OCA2: variants seen among roughly 807,000 people sequenced by gnomAD.
OCA2 encodes OCA2 melanosomal transmembrane protein, also known as P protein.
In OCA2, 77 loss-of-function variants were observed where a neutral mutation model predicts 100.2. That is an observed-to-expected ratio of 0.77 (90% CI 0.64 to 0.93). The LOEUF (loss-of-function observed/expected upper bound fraction) is 0.93, where lower values mean the gene tolerates loss of function less well. Among genes scored for constraint, OCA2 ranks in the 40% least tolerant of loss-of-function variants. The probability of loss-of-function intolerance (pLI) is 0.00; values close to 1 mark genes in which losing one functional copy is unlikely to be tolerated. For synonymous variants in OCA2, 432 were observed against 439.2 expected (o/e 0.98, Z 0.21); for missense variants, 1,062 against 1,089.1 (o/e 0.98, Z 0.35).
intron 9 of OCA2, among the ~76,000 whole-genome samples, chr15:27,992,539 G>A (rs532852598): frequency 6.6e-6 from 1 of 152,334 alleles, no homozygotes; most frequent in East Asian, 1.9e-4. Context: ...TGGTGAGCAG[G>A]CACCAGAGCC....
At chr15:27,961,289 T>C (rs937291245) in intron 15 of OCA2, among the ~76,000 whole-genome samples, 1 of 152,106 alleles carries the variant, frequency 6.6e-6, no homozygotes, top group Non-Finnish European at 1.5e-5. Context: ...CATTAAAAAG[T>C]CAGGAAACAA....
Position 28,014,839 on chromosome 15 carries a change from T to C in OCA2, c.981A>G (p.Val327=). 1 of 1,614,110 alleles carries C rather than the reference T, an allele frequency of 6.2e-7. No individual in the cohort carries two copies. Among genetic ancestry groups the C allele is most frequent in the Non-Finnish European group, 8.5e-7 (1 of 1,180,018 alleles). Reference sequence around the variant, plus strand: ...CCGTCGCGATGGTCACCTGGGTTTCTACACTTCCGCGGAGGTACTGATGAG... The same window carrying C: ...CCGTCGCGATGGTCACCTGGGTTTCCACACTTCCGCGGAGGTACTGATGAG... ...LMAHQYLRGS[V]ETQVTIATAI... Residue 327 remains valine (V), a synonymous_variant, in exon 9 of 24, where the codon GTA becomes GTG. Coordinates refer to ENST00000354638, the MANE Select transcript of OCA2 (RefSeq NM_000275.3).
Position 28,014,743 on chromosome 15 carries a change from C to A in OCA2, c.1044+33G>T, listed in dbSNP as rs372604644. ...TCTCAAGCCTCCCTGACTGTGGGCC[C>A]AGACAGATCGGGGGAGCAGGTGTGA... On this transcript the variant is annotated intron_variant, in intron 9 of 23. Transcript: ENST00000354638. 14 of 1,606,476 alleles carry A rather than the reference C, an allele frequency of 8.7e-6. No individual in the cohort carries two copies. The East Asian group carries it at 2.9e-4, about 33-fold the overall frequency.
At chr15:28,067,045 T>C (rs991102170) in intron 2 of OCA2, among the ~76,000 whole-genome samples, 3 of 152,216 alleles carry the variant, frequency 2.0e-5, no homozygotes, top group Non-Finnish European at 1.5e-5. Flanking sequence ...TTTGTCTCCG[T>C]AAAATGTATA....
In OCA2 at chr15:27,794,432, G is replaced by A. The variant is rs556300898; in HGVS notation, c.2433-38960C>T. 7.0e-4 allele frequency among the ~76,000 whole-genome samples: 106 copies of A among 152,264 alleles called. 1 individual carries two copies. The highest frequency in any genetic ancestry group is 1.5e-4 in the Non-Finnish European group (10 of 68,028). ...TTTTACATGTGGCCTCCCCCACTCT[G>A]TCAGGAAACAACTTCAAATGAGTCG... is the stretch of plus-strand genomic sequence containing the variant. On this transcript the variant is annotated intron_variant, in intron 23 of 23. Transcript: ENST00000354638.
At chr15:27,870,703 G>A (rs868660948) in intron 21 of OCA2, among the ~76,000 whole-genome samples, 4 of 89,554 alleles carry the variant, frequency 4.5e-5, no homozygotes, top group Admixed American at 1.2e-4. Context: ...AAGGAAAGAA[G>A]GAAGGAAGGA....
intron 18 of OCA2, among the ~76,000 whole-genome samples, chr15:27,947,090 A>C (rs1214204467): frequency 6.6e-6 from 1 of 152,204 alleles, no homozygotes; most frequent in Non-Finnish European, 1.5e-5. Flanking sequence ...ACTTGGCTGA[A>C]CCTAAGCTTT....
chr15:28,098,721 T>C (rs1319359874), intron 1 of OCA2, among the ~76,000 whole-genome samples: 1 of 152,192 alleles, frequency 6.6e-6, no homozygotes, highest in Non-Finnish European at 1.5e-5. Flanking sequence ...GTGCTTAACA[T>C]TGTGTCCTTG....
intron 6 of OCA2, among the ~76,000 whole-genome samples, chr15:28,021,840 G>A (rs920656733): frequency 2.0e-5 from 3 of 152,180 alleles, no homozygotes; most frequent in Non-Finnish European, 4.4e-5. Context: ...CCAGTGGGAG[G>A]GGTGGGCATA....
intron 19 of OCA2, among the ~76,000 whole-genome samples, chr15:27,893,119 G>C (rs928676080): frequency 6.6e-6 from 1 of 152,224 alleles, no homozygotes; most frequent in Non-Finnish European, 1.5e-5. Context: ...CAGGAAGTCA[G>C]GGACCCCAAA....
chr15:28,048,452 C>T (rs1434303461), intron 2 of OCA2, among the ~76,000 whole-genome samples: 1 of 152,166 alleles, frequency 6.6e-6, no homozygotes, highest in Non-Finnish European at 1.5e-5. Flanking sequence ...AATAAATAGT[C>T]TCTTCAACAA....
At chr15:28,052,848 T>G (rs1032757679) in intron 2 of OCA2, among the ~76,000 whole-genome samples, 1 of 152,202 alleles carries the variant, frequency 6.6e-6, no homozygotes, top group South Asian at 2.1e-4. Context: ...GGTGCTGTTC[T>G]AGGAAGGGGG....
chr15:27,832,721 G>T (rs1034372671), intron 23 of OCA2, among the ~76,000 whole-genome samples: 8 of 152,116 alleles, frequency 5.3e-5, no homozygotes, highest in Non-Finnish European at 1.0e-4. Context: ...CGCCACTGAG[G>T]CCTACTTCTT....
At chr15:27,996,484 G>T (rs2041731403) in intron 9 of OCA2, among the ~76,000 whole-genome samples, 2 of 151,750 alleles carry the variant, frequency 1.3e-5, no homozygotes, top group Admixed American at 1.3e-4. Context: ...AAAAATATTG[G>T]CAGAAAGAAA....
At chr15:27,763,437 A>C (rs1296149013) in intron 23 of OCA2, among the ~76,000 whole-genome samples, 2 of 152,230 alleles carry the variant, frequency 1.3e-5, no homozygotes, top group Non-Finnish European at 1.5e-5. Context: ...AGATCTCAAA[A>C]CTCAGTGGTA....
At chr15:28,013,237 T>C (rs1381634147) in intron 9 of OCA2, among the ~76,000 whole-genome samples, 1 of 152,170 alleles carries the variant, frequency 6.6e-6, no homozygotes, top group Non-Finnish European at 1.5e-5. Flanking sequence ...GAGCAGCTAA[T>C]TAATCCCATG....
intron 21 of OCA2, among the ~76,000 whole-genome samples, chr15:27,868,553 C>T (rs1179904989): frequency 2.0e-5 from 3 of 151,460 alleles, no homozygotes; most frequent in South Asian, 2.1e-4. Context: ...TGGTGGCTGT[C>T]GGGGGTGGAG....
At chr15:27,955,604 C>G (rs1448923614) in intron 16 of OCA2, among the ~76,000 whole-genome samples, 1 of 152,134 alleles carries the variant, frequency 6.6e-6, no homozygotes, top group African/African-American at 2.4e-5. Flanking sequence ...GGGCACTGAA[C>G]CTATACAACT....
intron 19 of OCA2, among the ~76,000 whole-genome samples, chr15:27,905,342 T>C (rs2038134820): frequency 1.3e-5 from 2 of 152,180 alleles, no homozygotes; most frequent in South Asian, 4.1e-4. Context: ...GTGTAAAATA[T>C]CTGAACTGAA....
Sources: gnomAD v4.1 joint callset for allele counts (sites outside exome capture counted in the v4.1 genomes callset) on GRCh38, gnomAD v4.1.1 for gene constraint, MANE v1.5 for transcripts, NCBI Gene and HGNC (gene_info 2026-07-23, HGNC 2026-07-21) for gene names.